Variants in CCDC14 observed in about 807,000 individuals in gnomAD.
The protein encoded by CCDC14 is coiled-coil domain-containing protein 14.
A neutral mutation model predicts 81.4 loss-of-function variants in CCDC14; 71 were observed. The ratio of observed to expected loss-of-function variants is 0.87; its 90% CI spans 0.72 to 1.06. The LOEUF (loss-of-function observed/expected upper bound fraction) is 1.06, where lower values mean the gene tolerates loss of function less well. CCDC14 is among the 50% of genes least tolerant of loss of function. The pLI, the probability that CCDC14 is intolerant of heterozygous loss-of-function variation, is 0.00. For synonymous variants in CCDC14, 332 were observed against 364.8 expected, an observed-to-expected ratio of 0.91 and a Z score of 1.03; for missense variants, 1,046 against 1,047.3, an observed-to-expected ratio of 1.00 and a Z score of 0.02.
chr3:123,959,619 G>C (rs1472684591), intron 1 of CCDC14, among the ~76,000 whole-genome samples: 1 of 152,082 alleles, frequency 6.6e-6, no homozygotes, highest in East Asian at 1.9e-4. Flanking sequence ...CTGTGCAGAA[G>C]CTTTTTAGTT....
At chr3:123,927,403 C>T (rs143935671) in intron 12 of CCDC14, among the ~76,000 whole-genome samples, 2 of 151,932 alleles carry the variant, frequency 1.3e-5, no homozygotes, top group African/African-American at 2.4e-5. Context: ...GGTGACAGAG[C>T]GAGATTCTGC....
At chr3:123,931,058 A>G (rs376157833) in intron 12 of CCDC14, 44 bp downstream of exon 12, 482 of 1,477,604 alleles carry the variant, frequency 3.3e-4, no homozygotes, top group Non-Finnish European at 4.1e-4. Flanking sequence ...AAAAACATCT[A>G]AAAATAAAAA....
At chr3:123,890,220 C>A in the CCDC14 span, among the ~76,000 whole-genome samples, 1 of 152,164 alleles carries the variant, frequency 6.6e-6, no homozygotes, top group Admixed American at 6.5e-5. Context: ...ATGGGAGCTA[C>A]AAGATGAGAT....
chr3:123,937,838 C>T (rs1577289605), intron 9 of CCDC14, among the ~76,000 whole-genome samples: 1 of 151,846 alleles, frequency 6.6e-6, no homozygotes, highest in African/African-American at 2.4e-5. Flanking sequence ...ATTTTGTATA[C>T]TGTATGAGGT....
At position 123,932,745 on chromosome 3, in the gene CCDC14, G is replaced by C. The variant is rs2035811074; in HGVS notation, c.1426+928C>G. On this transcript the variant is annotated intron_variant, in intron 10 of 12. Transcript: ENST00000409697. ...CATTAAGGACAATTTGGCAATATCT[G>C]TCACAATTGCAACTGTATATACCCT... is the stretch of plus-strand genomic sequence containing the variant. 1.3e-5 allele frequency among the ~76,000 whole-genome samples: 2 copies of C among 152,084 alleles called. 1 individual carries two copies. The highest frequency in any genetic ancestry group is 2.9e-5 in the Non-Finnish European group (2 of 68,024).
In CCDC14 at chr3:123,931,327, C is replaced by G; in HGVS notation, c.1626G>C (p.Glu542Asp). ...ILENKQQYDI[E>D]ITRIKIELEE... ...ACGTACCAATTTTTATTCTTGTTAT[C>G]TCAATATCATATTGCTGTTTATTTT... The change falls in exon 11 of 13, where the codon GAG becomes GAC. Residue 542 changes from glutamate to aspartate, a missense_variant. By Grantham distance (45) the Glu-to-Asp change is conservative. Transcript: ENST00000409697. 9.8e-6 allele frequency: 15 copies of G among 1,523,864 alleles called. No individual in the cohort carries two copies. The highest frequency in any genetic ancestry group is 1.3e-5 in the Non-Finnish European group (15 of 1,121,472). 94.4% of individuals were successfully genotyped at this position (1,523,864 alleles called of 1,614,324 possible). A position where few individuals can be genotyped will look rare whatever the true frequency, so the allele number is the denominator to read the frequency against.
In CCDC14 at chr3:123,946,995, T is replaced by C; in HGVS notation, c.1009A>G (p.Thr337Ala). The C allele has an allele frequency of 6.2e-7, 1 of 1,614,002 alleles. No individual in the cohort carries two copies. Among genetic ancestry groups the C allele is most frequent in the Admixed American group, 1.7e-5 (1 of 60,024 alleles). Reference sequence around the variant, plus strand: ...TCTCTGGCACATTTTTCTTCATTAGTGGCCAAGAAAGCTGGTTGTGACTGA... The same window carrying C: ...TCTCTGGCACATTTTTCTTCATTAGCGGCCAAGAAAGCTGGTTGTGACTGA... ...PTQSQPAFLA[T>A]NEEKCAREQI... The change falls in exon 8 of 13, where the codon ACT becomes GCT. Residue 337 changes from threonine to alanine, a missense_variant. Thr to Ala is a moderately conservative substitution (Grantham distance 58). Transcript: ENST00000409697.
chr3:123,908,555 A>G (rs2034373943), downstream of CCDC14, among the ~76,000 whole-genome samples: 1 of 152,208 alleles, frequency 6.6e-6, no homozygotes, highest in African/African-American at 2.4e-5. Context: ...TAAGTGTTTT[A>G]TATTAATCAA....
intron 5 of CCDC14, among the ~76,000 whole-genome samples, chr3:123,906,031 A>G (rs2034299450): frequency 6.6e-6 from 1 of 152,224 alleles, no homozygotes; most frequent in South Asian, 2.1e-4. Context: ...CCAATGAATG[A>G]GATGAAAGAT....
intron 5 of CCDC14, among the ~76,000 whole-genome samples, chr3:123,901,395 TA>T (rs1274360553): frequency 1.1e-4 from 16 of 152,290 alleles, no homozygotes; most frequent in Admixed American, 2.6e-4. Context: ...ACATTGTAGT[TA>T]TTATTTAAAT....
intron 7 of CCDC14, 125 bp from the exon 8 acceptor site, chr3:123,947,444 A>C: frequency 1.5e-6 from 1 of 667,920 alleles, no homozygotes; most frequent in Non-Finnish European, 2.4e-6. Context: ...CATTTTGTGA[A>C]TATTTAATAA....
chr3:123,917,510 CAAAAAACAAAAAAA>C (rs1454123970), intron 12 of CCDC14, among the ~76,000 whole-genome samples: 1 of 120,726 alleles, frequency 8.3e-6, no homozygotes, highest in East Asian at 5.8e-4. Context: ...AAAAAAAAAA[CAAAAAACAAAAAAA>C]CCCAAAAAAC....
chr3:123,887,720 CAG>C, the CCDC14 span, among the ~76,000 whole-genome samples: 2 of 152,132 alleles, frequency 1.3e-5, no homozygotes, highest in African/African-American at 2.4e-5. Flanking sequence ...TGAAAGTAAA[CAG>C]TGTGTATTTC....
At chr3:123,918,994 G>C (rs1238171528) in intron 12 of CCDC14, among the ~76,000 whole-genome samples, 1 of 152,154 alleles carries the variant, frequency 6.6e-6, no homozygotes, top group African/African-American at 2.4e-5. Flanking sequence ...TCCTAGGCCA[G>C]GAGGCAAGTA....
Position 123,931,488 on chromosome 3 carries a change from G to A in CCDC14, c.1465C>T (p.Gln489Ter), listed in dbSNP as rs149658623. The change falls in exon 11 of 13, where the codon CAA becomes TAA. Residue 489 changes from glutamine to a stop codon, truncating the protein, a stop_gained. Transcript: ENST00000409697. LOFTEE classifies it high-confidence loss of function. ...LQSLNMSLQN[Q>*]LEESLKSQEL... ...TGGCTCTTTAGTGACTCCTCCAATT[G>A]ATTTTGCAGTGACATATTCAATGAC... 7.3e-4 allele frequency: 1,150 copies of A among 1,571,270 alleles called. 1 individual carries two copies. Among genetic ancestry groups the A allele is most frequent in the Non-Finnish European group, 9.0e-4 (1,036 of 1,156,612 alleles).
downstream of CCDC14, among the ~76,000 whole-genome samples, chr3:123,912,455 G>GT (rs1176892743): frequency 6.6e-6 from 1 of 152,164 alleles, no homozygotes. Flanking sequence ...ACATCGCTCA[G>GT]TGTGTCTCAA....
At chr3:123,930,803 G>A (rs909077777) in intron 12 of CCDC14, 3 of 243,356 alleles carry the variant, frequency 1.2e-5, no homozygotes, top group East Asian at 1.8e-4. Context: ...TGGGATTCCA[G>A]TCAGATCTCT....
chr3:123,955,231 T>G (rs752975550), intron 5 of CCDC14: 1 of 152,142 alleles, frequency 6.6e-6, no homozygotes. Context: ...CACTGTGGAC[T>G]TTTTCATCTT....
At chr3:123,946,264 A>G (rs1406745520) in intron 8 of CCDC14, among the ~76,000 whole-genome samples, 1 of 152,092 alleles carries the variant, frequency 6.6e-6, no homozygotes, top group East Asian at 1.9e-4. Flanking sequence ...CATATACAGA[A>G]TGGAAACAAA....
Sources: allele counts gnomAD v4.1 joint callset (sites outside exome capture counted in the v4.1 genomes callset), GRCh38; gene constraint gnomAD v4.1.1; transcripts MANE v1.5; gene names NCBI Gene and HGNC (gene_info 2026-07-23, HGNC 2026-07-21).